Variants in HBP1 observed in about 807,000 individuals in gnomAD.
HBP1 encodes HMG box-containing protein 1.
A neutral mutation model predicts 62.6 loss-of-function variants in HBP1; 20 were observed. The ratio of observed to expected loss-of-function variants is 0.32; its 90% CI spans 0.22 to 0.46. The LOEUF (loss-of-function observed/expected upper bound fraction) is 0.46. Among genes scored for constraint, HBP1 ranks in the 20% least tolerant of loss-of-function variants. The pLI, the probability that HBP1 is intolerant of heterozygous loss-of-function variation, is 1.00. For missense variants in HBP1, 480 were observed against 611.8 expected (o/e 0.78, Z 2.27); for synonymous variants, 232 against 206.2 (o/e 1.12, Z -1.07).
At chr7:107,201,023 AATTC>A (rs1216284772) in intron 10 of HBP1, 11 of 161,522 alleles carry the variant, frequency 6.8e-5, no homozygotes, top group African/African-American at 2.6e-4. Context: ...AGATGTTTTA[AATTC>A]ATTGTGTACA....
intron 1 of HBP1, chr7:107,170,133 A>G: frequency 6.1e-6 from 6 of 985,188 alleles, no homozygotes; most frequent in Non-Finnish European, 7.2e-6. Flanking sequence ...ACAGCGAGGT[A>G]ATACTCAAGT....
chr7:107,196,417 C>G (rs1029084579), intron 9 of HBP1: 4 of 411,622 alleles, frequency 9.7e-6, no homozygotes, highest in Non-Finnish European at 1.8e-5. Flanking sequence ...TACAGGCGCC[C>G]ACCACCATAC....
chr7:107,200,533 A>ATGTT (rs1332582933), intron 10 of HBP1: 1 of 359,232 alleles, frequency 2.8e-6, no homozygotes, highest in East Asian at 4.3e-5. Context: ...CTTCAAAAGA[A>ATGTT]TGTTTGTTCT....
chr7:107,186,582 C>T lies in HBP1; in HGVS notation c.666C>T (p.Cys222=). 1 of 1,612,184 alleles carries T rather than the reference C, an allele frequency of 6.2e-7. No homozygotes were observed. Among genetic ancestry groups the T allele is most frequent in the Non-Finnish European group, 8.5e-7 (1 of 1,178,354 alleles). ...CCTAAACCTTAGGCACACGACTGTG[C>T]TTTCATAAGGGAAGCAATAAGGAAT... ...WHCFLKGTRL[C]FHKGSNKEWQ... Residue 222 remains cysteine (C), a synonymous_variant, in exon 6 of 11, where the codon TGC becomes TGT. Coordinates refer to ENST00000222574, the MANE Select transcript of HBP1 (RefSeq NM_012257.4).
At chr7:107,184,595 C>A (rs1462024701) in intron 3 of HBP1, among the ~76,000 whole-genome samples, 1 of 152,166 alleles carries the variant, frequency 6.6e-6, no homozygotes, top group Non-Finnish European at 1.5e-5. Context: ...ACTGCAAGCT[C>A]CGCCTTCCGG....
At chr7:107,172,122 A>G (rs1796630013) in intron 1 of HBP1, among the ~76,000 whole-genome samples, 1 of 151,984 alleles carries the variant, frequency 6.6e-6, no homozygotes. Context: ...ATCATTTTCT[A>G]TAGAGAAACT....
intron 1 of HBP1, among the ~76,000 whole-genome samples, chr7:107,177,818 G>T (rs1028913033): frequency 2.0e-5 from 3 of 152,090 alleles, no homozygotes; most frequent in African/African-American, 7.2e-5. Context: ...AAGTCTGGTT[G>T]GTGGGGTTAG....
chr7:107,189,530 T>A, intron 7 of HBP1, 82 bp downstream of exon 7: 2 of 1,098,010 alleles, frequency 1.8e-6, no homozygotes, highest in Non-Finnish European at 1.3e-6. Context: ...CTTTGATGAT[T>A]AAGAAAAAAT....
intron 2 of HBP1, 73 bp downstream of exon 2, chr7:107,180,135 C>A: frequency 1.1e-6 from 1 of 878,640 alleles, no homozygotes; most frequent in Non-Finnish European, 1.8e-6. Flanking sequence ...CCCGCTTCTC[C>A]ACCAACCTTG....
intron 1 of HBP1, chr7:107,174,355 TA>T: frequency 1.1e-5 from 6 of 544,222 alleles, no homozygotes; most frequent in Non-Finnish European, 1.4e-5. Flanking sequence ...ACATAGAACT[TA>T]TATTCAGTAA....
intron 3 of HBP1, among the ~76,000 whole-genome samples, chr7:107,183,736 AC>A (rs1399027700): frequency 6.6e-6 from 1 of 152,112 alleles, no homozygotes; most frequent in East Asian, 1.9e-4. Context: ...AAGTGAGTAA[AC>A]CCTTCAGAAG....
At position 107,202,293 on chromosome 7, in the gene HBP1, A is replaced by C; in HGVS notation, c.*862A>C. ...ACTGCAGTGCAACACTTGCACTTTAATTTTCCTCCAACTGTCTAAAATTAG... is the reference window on the plus strand; with the variant it reads ...ACTGCAGTGCAACACTTGCACTTTACTTTTCCTCCAACTGTCTAAAATTAG... On this transcript the variant is annotated 3_prime_UTR_variant, in exon 11 of 11. Transcript: ENST00000222574. 2.0e-5 allele frequency: 3 copies of C among 152,612 alleles called. No homozygotes were observed. Among genetic ancestry groups the C allele is most frequent in the Non-Finnish European group, 4.4e-5 (3 of 68,028 alleles). The allele number at this position is 152,612 out of a possible 1,614,324, so 9.5% of individuals were successfully genotyped here. A position where few individuals can be genotyped will look rare whatever the true frequency, so the allele number is the denominator to read the frequency against.
chr7:107,171,061 A>ATTTTTTTTTTTTTTTTTTTTTTTTTTT (rs1427195906), intron 1 of HBP1, among the ~76,000 whole-genome samples: 1 of 65,000 alleles, frequency 1.5e-5, no homozygotes. Flanking sequence ...ATATATATAT[A>ATTTTTTTTTTTTTTTTTTTTTTTTTTT]TATATATATA....
At chr7:107,182,653 T>C (rs1200838995) in intron 3 of HBP1, 52 bp downstream of exon 3, 2 of 1,005,668 alleles carry the variant, frequency 2.0e-6, no homozygotes, top group African/African-American at 3.3e-5. Flanking sequence ...TACACAAAGG[T>C]TTTATTTAAA....
At chr7:107,183,874 C>T (rs1797231258) in intron 3 of HBP1, among the ~76,000 whole-genome samples, 1 of 152,128 alleles carries the variant, frequency 6.6e-6, no homozygotes. Flanking sequence ...TCTGCTCATG[C>T]AGCTTATTGT....
intron 1 of HBP1, 88 bp downstream of exon 1, chr7:107,169,273 T>G: frequency 3.1e-6 from 2 of 654,706 alleles, no homozygotes; most frequent in Non-Finnish European, 4.0e-6. Flanking sequence ...AGGGCTCGGG[T>G]CCTCGTTCCT....
intron 1 of HBP1, among the ~76,000 whole-genome samples, chr7:107,177,136 C>G (rs114410374): frequency 6.6e-6 from 1 of 152,218 alleles, no homozygotes; most frequent in Non-Finnish European, 1.5e-5. Context: ...TTTCAAAAGA[C>G]GTCATTTTAC....
chr7:107,183,500 G>A (rs961708706), intron 3 of HBP1, among the ~76,000 whole-genome samples: 6 of 152,050 alleles, frequency 3.9e-5, no homozygotes, highest in Middle Eastern at 3.4e-3. Context: ...GTTTAATTCC[G>A]TGTTCATTTC....
In HBP1 at chr7:107,182,396, G is replaced by C; in HGVS notation, c.193G>C (p.Val65Leu). The C allele has an allele frequency of 6.2e-7, 1 of 1,610,892 alleles. No homozygotes were observed. The highest frequency in any genetic ancestry group is 8.5e-7 in the Non-Finnish European group (1 of 1,177,124). ...AGATGACCTTCCTGAACTTCAGGCAGTTCAAAGTGATCCTACCCAATCTGG... is the reference window on the plus strand; with the variant it reads ...AGATGACCTTCCTGAACTTCAGGCACTTCAAAGTGATCCTACCCAATCTGG... ...ELDDLPELQA[V>L]QSDPTQSGMY... The change falls in exon 3 of 11, where the codon GTT becomes CTT. Residue 65 changes from valine to leucine, a missense_variant. Physicochemically the swap from Val to Leu is conservative, Grantham distance 32. Transcript: ENST00000222574.
Sources: gnomAD v4.1 joint callset for allele counts (sites outside exome capture counted in the v4.1 genomes callset) on GRCh38, gnomAD v4.1.1 for gene constraint, MANE v1.5 for transcripts, NCBI Gene and HGNC (gene_info 2026-07-23, HGNC 2026-07-21) for gene names.